The following NEK11 variants were observed in gnomAD, a reference collection of about 807,000 sequenced individuals.
The protein encoded by NEK11 is serine/threonine-protein kinase Nek11.
A neutral mutation model predicts 80.7 loss-of-function variants in NEK11; 72 were observed. The observed-to-expected ratio is 0.89, with a 90% CI of 0.74 to 1.08. The LOEUF (loss-of-function observed/expected upper bound fraction) is 1.08, where lower values mean the gene tolerates loss of function less well. Among genes scored for constraint, NEK11 ranks in the 50% least tolerant of loss-of-function variants. The pLI is 0.00. For synonymous variants in NEK11, 251 were observed against 260.7 expected, an observed-to-expected ratio of 0.96 and a Z score of 0.36; for missense variants, 764 against 763.6, an observed-to-expected ratio of 1.00 and a Z score of -0.01.
intron 13 of NEK11, 56 bp from the exon 14 acceptor site, chr3:131,170,717 G>A (rs2150057026): frequency 9.9e-7 from 1 of 1,010,252 alleles, no homozygotes; most frequent in Middle Eastern, 2.1e-4. Context: ...TTTCATTTGT[G>A]GTAGTGCTGT....
chr3:131,187,118 A>G (rs2093631435), intron 14 of NEK11, among the ~76,000 whole-genome samples: 1 of 152,186 alleles, frequency 6.6e-6, no homozygotes, highest in South Asian at 2.1e-4. Flanking sequence ...CAATTTGTCT[A>G]GAAGTATGCT....
rs1456260624 is a variant in NEK11 at position 131,152,639 on chromosome 3, A to G, written c.806A>G (p.Asn269Ser). 6.2e-7 allele frequency: 1 copy of G among 1,613,708 alleles called. No homozygotes were observed. The highest frequency in any genetic ancestry group is 1.7e-5 in the Admixed American group (1 of 59,998). The change falls in exon 9 of 18, where the codon AAC becomes AGC. Residue 269 changes from asparagine to serine, a missense_variant. Transcript: ENST00000383366. ...CTGTTTAAACATTACAGCATGTTGA[A>G]CAAGAATCCTTCATTAAGACCATCT... is the stretch of plus-strand genomic sequence containing the variant. ...ELNAIMESML[N>S]KNPSLRPSAI...
At chr3:131,189,677 G>T (rs1180330268) in intron 14 of NEK11, among the ~76,000 whole-genome samples, 1 of 152,026 alleles carries the variant, frequency 6.6e-6, no homozygotes, top group African/African-American at 2.4e-5. Context: ...TTTTTGTATA[G>T]CAGTCAAGAG....
intron 14 of NEK11, among the ~76,000 whole-genome samples, chr3:131,197,201 C>G (rs1226942357): frequency 6.6e-6 from 1 of 152,108 alleles, no homozygotes; most frequent in Admixed American, 6.6e-5. Context: ...CTCTGAGTAC[C>G]CCCTCTCAAC....
At chr3:131,135,707 A>G (rs1444966959) in intron 7 of NEK11, among the ~76,000 whole-genome samples, 2 of 152,128 alleles carry the variant, frequency 1.3e-5, no homozygotes, top group East Asian at 3.8e-4. Context: ...ATAGATTCAA[A>G]TATATATCTT....
At chr3:131,173,072 T>G (rs2092789234) in intron 14 of NEK11, among the ~76,000 whole-genome samples, 1 of 152,200 alleles carries the variant, frequency 6.6e-6, no homozygotes, top group Non-Finnish European at 1.5e-5. Context: ...ACCCCTTTCC[T>G]GGAAAACTCA....
intron 3 of NEK11, among the ~76,000 whole-genome samples, chr3:131,074,838 C>T (rs1024783712): frequency 2.0e-5 from 3 of 152,162 alleles, no homozygotes; most frequent in African/African-American, 7.2e-5. Context: ...TCTATTTTAG[C>T]ATTTATCATG....
intron 14 of NEK11, among the ~76,000 whole-genome samples, chr3:131,184,366 A>G (rs1374920580): frequency 3.3e-5 from 5 of 152,180 alleles, no homozygotes; most frequent in Non-Finnish European, 7.4e-5. Context: ...TTTTAACAAC[A>G]TCTCAGTGAT....
At chr3:131,294,997 T>C (rs2096578869) in intron 17 of NEK11, among the ~76,000 whole-genome samples, 1 of 152,080 alleles carries the variant, frequency 6.6e-6, no homozygotes, top group Admixed American at 6.6e-5. Flanking sequence ...AATTAACATG[T>C]AGTTGGATCT....
At chr3:131,323,275 C>A (rs1174054383) in intron 17 of NEK11, among the ~76,000 whole-genome samples, 1 of 152,234 alleles carries the variant, frequency 6.6e-6, no homozygotes, top group South Asian at 2.1e-4. Context: ...CTTGTTCTTT[C>A]TCACCACAGC....
Position 131,349,683 on chromosome 3 carries a change from C to T in NEK11, c.1845C>T (p.Ala615=). 6.2e-7 allele frequency: 1 copy of T among 1,614,094 alleles called. No homozygotes were observed. Among genetic ancestry groups the T allele is most frequent in the Non-Finnish European group, 8.5e-7 (1 of 1,179,942 alleles). Residue 615 remains alanine (A), a synonymous_variant, in exon 18 of 18, where the codon GCC becomes GCT. Coordinates refer to ENST00000383366, the MANE Select transcript of NEK11 (RefSeq NM_024800.5). ...RECLEKVVPQ[A]SDCFEVDQLL... ...GTTTGGAAAAAGTGGTGCCTCAAGC[C>T]AGCGACTGTTTTGAAGTGGACCAGC... is the stretch of plus-strand genomic sequence containing the variant.
Position 131,180,864 on chromosome 3 carries a change from A to G in NEK11, c.1399+9977A>G, listed in dbSNP as rs999342246. 2.0e-5 allele frequency among the ~76,000 whole-genome samples: 3 copies of G among 152,234 alleles called. No homozygotes were observed. In the East Asian group the frequency reaches 5.8e-4, roughly 29 times the overall value. The stretch of plus-strand genomic sequence containing the variant: ...GTTCTTGAATCTCTTAATTCAGTCT[A>G]TAATATGTAAAATTCTATATTGGGG... On this transcript the variant is annotated intron_variant, in intron 14 of 17. Coordinates refer to ENST00000383366, the MANE Select transcript of NEK11 (RefSeq NM_024800.5).
At chr3:131,110,691 A>G (rs1157837856) in intron 5 of NEK11, among the ~76,000 whole-genome samples, 2 of 152,126 alleles carry the variant, frequency 1.3e-5, no homozygotes, top group African/African-American at 4.8e-5. Flanking sequence ...GCGTTAACAC[A>G]TGGTACCATT....
intron 14 of NEK11, among the ~76,000 whole-genome samples, chr3:131,210,668 GTA>G (rs2094581657): frequency 6.6e-6 from 1 of 152,184 alleles, no homozygotes. Context: ...TGTATTGGGT[GTA>G]TATATATTTA....
At chr3:131,245,595 C>T (rs1161492267) in intron 16 of NEK11, among the ~76,000 whole-genome samples, 1 of 152,110 alleles carries the variant, frequency 6.6e-6, no homozygotes, top group East Asian at 1.9e-4. Flanking sequence ...TCTGTATCCT[C>T]ATCAACATCT....
intron 3 of NEK11, among the ~76,000 whole-genome samples, chr3:131,069,392 G>A (rs2072752827): frequency 6.6e-6 from 1 of 152,048 alleles, no homozygotes; most frequent in East Asian, 1.9e-4. Flanking sequence ...CTGTAAACTA[G>A]TTCAACCATT....
intron 17 of NEK11, among the ~76,000 whole-genome samples, chr3:131,317,049 T>G (rs1469639384): frequency 1.3e-5 from 2 of 152,206 alleles, no homozygotes; most frequent in African/African-American, 4.8e-5. Context: ...ACTATTTTAA[T>G]GCTGGGCCTT....
chr3:131,059,369 T>A (rs970173009), intron 3 of NEK11, among the ~76,000 whole-genome samples: 1 of 152,202 alleles, frequency 6.6e-6, no homozygotes, highest in African/African-American at 2.4e-5. Flanking sequence ...AGGAGAAATA[T>A]GTACATTAAT....
intron 3 of NEK11, among the ~76,000 whole-genome samples, chr3:131,037,355 C>T (rs898279719): frequency 6.6e-6 from 1 of 151,208 alleles, no homozygotes; most frequent in Non-Finnish European, 1.5e-5. Context: ...GTGATCTCAG[C>T]TCACTGCAGC....
Sources: allele counts gnomAD v4.1 joint callset (sites outside exome capture counted in the v4.1 genomes callset), GRCh38; gene constraint gnomAD v4.1.1; transcripts MANE v1.5; gene names NCBI Gene and HGNC (gene_info 2026-07-23, HGNC 2026-07-21).